WDR7: variants seen among roughly 807,000 people sequenced by gnomAD.
WDR7 encodes the protein WD repeat-containing protein 7.
In WDR7, 46 loss-of-function variants were observed where a neutral mutation model predicts 169.4. The ratio of observed to expected loss-of-function variants is 0.27; its 90% CI spans 0.21 to 0.35. The LOEUF is 0.35. Among genes scored for constraint, WDR7 ranks in the 10% least tolerant of loss-of-function variants. The pLI is 1.00. For synonymous variants in WDR7, 612 were observed against 666.8 expected (o/e 0.92, Z 1.27); for missense variants, 1,534 against 1,859.3 (o/e 0.83, Z 3.22).
At chr18:56,959,562 C>G (rs921378649) in intron 25 of WDR7, among the ~76,000 whole-genome samples, 1 of 152,126 alleles carries the variant, frequency 6.6e-6, no homozygotes, top group African/African-American at 2.4e-5. Flanking sequence ...TCATGGGCAA[C>G]TGCCTAAGTG....
chr18:56,983,489 A>G (rs770508962), intron 26 of WDR7, among the ~76,000 whole-genome samples: 1 of 152,174 alleles, frequency 6.6e-6, no homozygotes, highest in Non-Finnish European at 1.5e-5. Flanking sequence ...TCCAGAGTGG[A>G]CAATTTATAC....
At chr18:56,753,694 G>A (rs1440840200) in intron 14 of WDR7, among the ~76,000 whole-genome samples, 3 of 150,936 alleles carry the variant, frequency 2.0e-5, no homozygotes, top group African/African-American at 7.3e-5. Flanking sequence ...TATATTTGTG[G>A]AATAATAGGG....
intron 13 of WDR7, among the ~76,000 whole-genome samples, chr18:56,719,434 C>T (rs891565961): frequency 7.2e-5 from 11 of 151,856 alleles, no homozygotes; most frequent in Admixed American, 3.3e-4. Flanking sequence ...TGTTGGCGGG[C>T]GCCTGTAGTC....
intron 14 of WDR7, among the ~76,000 whole-genome samples, chr18:56,752,656 T>C (rs1369848574): frequency 6.6e-6 from 1 of 152,234 alleles, no homozygotes; most frequent in Non-Finnish European, 1.5e-5. Context: ...TTTTTCTGCA[T>C]TTGTAACTTT....
chr18:56,656,424 C>T (rs9945599), intron 1 of WDR7, among the ~76,000 whole-genome samples: 2,947 of 151,686 alleles, frequency 0.019, 49 homozygotes, highest in African/African-American at 0.048. Context: ...GGACTACAAG[C>T]GCATGCCACC....
chr18:56,720,689 T>C (rs138055941), intron 13 of WDR7, among the ~76,000 whole-genome samples: 129 of 152,332 alleles, frequency 8.5e-4, no homozygotes, highest in African/African-American at 3.1e-3. Context: ...TAGACAAAGT[T>C]ACTGTTCTAG....
chr18:56,745,770 C>T (rs1314489028), intron 14 of WDR7, among the ~76,000 whole-genome samples: 1 of 152,144 alleles, frequency 6.6e-6, no homozygotes, highest in Non-Finnish European at 1.5e-5. Flanking sequence ...AAAAATAGCA[C>T]TTGTAGCATA....
chr18:56,936,198 A>C (rs2046958419), intron 23 of WDR7: 1 of 322,098 alleles, frequency 3.1e-6, no homozygotes, highest in South Asian at 6.5e-5. Context: ...ATGAAAACTC[A>C]AATACATTAA....
At chr18:56,994,376 T>C (rs2047865816) in intron 26 of WDR7, among the ~76,000 whole-genome samples, 1 of 131,592 alleles carries the variant, frequency 7.6e-6, no homozygotes, top group South Asian at 2.5e-4. Flanking sequence ...GTGTTATGTA[T>C]GTTCTGTTGA....
At position 56,672,644 on chromosome 18, in the gene WDR7, A is replaced by G. The variant is rs1436334777; in HGVS notation, c.129A>G (p.Ile43Met). 7 of 1,612,144 alleles carry G rather than the reference A, an allele frequency of 4.3e-6. No homozygotes were observed. The East Asian group carries it at 1.1e-4, about 26-fold the overall frequency. The change falls in exon 2 of 28, where the codon ATA (isoleucine) becomes ATG (methionine). Residue 43 changes from isoleucine (I) to methionine (M), a missense_variant. By Grantham distance (10) the Ile-to-Met change is conservative. Transcript: ENST00000254442. ...TAACAGGATGTCACGACGGACAAATATGTCTCTGGGATCTTTCAGTAGAAC... is the reference window on the plus strand; with the variant it reads ...TAACAGGATGTCACGACGGACAAATGTGTCTCTGGGATCTTTCAGTAGAAC... ...TIVTGCHDGQICLWDLSVELQ... is the reference protein window; with the variant it reads ...TIVTGCHDGQMCLWDLSVELQ...
In WDR7 at chr18:57,006,191, T is replaced by A. The variant is rs1237942628; in HGVS notation, c.4165-14554T>A. Among the ~76,000 whole-genome samples the A allele has an allele frequency of 2.0e-5, 3 of 152,320 alleles. No individual in the cohort carries two copies. In the East Asian group the frequency reaches 5.8e-4, roughly 29 times the overall value. On this transcript the variant is annotated intron_variant, in intron 26 of 27. Coordinates refer to ENST00000254442, the MANE Select transcript of WDR7 (RefSeq NM_015285.3). The stretch of plus-strand genomic sequence containing the variant: ...AGAATGTTATTTTAAGGCACACGTC[T>A]CTGGGTCACATGCATGATAGTAATT...
At chr18:56,978,831 A>G (rs530781222) in intron 26 of WDR7, among the ~76,000 whole-genome samples, 1 of 152,310 alleles carries the variant, frequency 6.6e-6, no homozygotes, top group Admixed American at 6.5e-5. Context: ...TTTCTATAGC[A>G]TGCCCGCATG....
chr18:56,715,799 A>T (rs1441226311), intron 12 of WDR7, among the ~76,000 whole-genome samples: 1 of 152,200 alleles, frequency 6.6e-6, no homozygotes, highest in East Asian at 1.9e-4. Flanking sequence ...CCCGTAGAAA[A>T]AGATAACTGT....
chr18:56,755,594 A>C (rs148799929), intron 14 of WDR7, among the ~76,000 whole-genome samples: 2 of 152,316 alleles, frequency 1.3e-5, no homozygotes, highest in Non-Finnish European at 2.9e-5. Context: ...AGAACGTAAA[A>C]ATGTGAGGTA....
chr18:57,021,675 T>G (rs1206487112), intron 27 of WDR7, among the ~76,000 whole-genome samples: 2 of 152,226 alleles, frequency 1.3e-5, no homozygotes, highest in Non-Finnish European at 2.9e-5. Context: ...TCCCATCTTC[T>G]TTTTAATTAC....
At chr18:57,024,511 G>A (rs80169684) in intron 27 of WDR7, among the ~76,000 whole-genome samples, 34 of 143,294 alleles carry the variant, frequency 2.4e-4, no homozygotes, top group South Asian at 4.7e-4. Context: ...TCCCTTACAG[G>A]ATTTCACATA....
chr18:56,880,293 C>T lies in WDR7; in HGVS notation c.3526+128C>T. ...AGATTGCTTGCGTGAAGTTAGAAAGCAGTACAATCTGGCACATTTCCCGTT... is the reference window on the plus strand; with the variant it reads ...AGATTGCTTGCGTGAAGTTAGAAAGTAGTACAATCTGGCACATTTCCCGTT... On this transcript the variant is annotated intron_variant, in intron 21 of 27. Coordinates refer to ENST00000254442, the MANE Select transcript of WDR7 (RefSeq NM_015285.3). The T allele has an allele frequency of 3.5e-6, 3 of 868,990 alleles. No homozygotes were observed. The South Asian group carries it at 5.4e-5, about 16-fold the overall frequency. 53.8% of individuals were successfully genotyped at this position (868,990 alleles called of 1,614,324 possible).
rs1461870888 is a variant in WDR7, at chr18:56,693,321, A to G, written c.967-1298A>G. On this transcript the variant is annotated intron_variant, in intron 9 of 27. Transcript: ENST00000254442. ...AATTTTAGTAGAAGTCCACCACACTATTTAGTATTTTCAGATAGTACTTCA... is the reference window on the plus strand; with the variant it reads ...AATTTTAGTAGAAGTCCACCACACTGTTTAGTATTTTCAGATAGTACTTCA... Among the ~76,000 whole-genome samples, 6 of 152,126 alleles carry G rather than the reference A, an allele frequency of 3.9e-5. No homozygotes were observed. The East Asian group carries it at 7.7e-4, about 20-fold the overall frequency.
chr18:57,014,846 AT>A (rs35031273), intron 26 of WDR7, among the ~76,000 whole-genome samples: 1,796 of 146,994 alleles, frequency 0.012, 13 homozygotes, highest in African/African-American at 0.015. Flanking sequence ...AGTCACTGGG[AT>A]TTTTTTTTTT....
Sources: gnomAD v4.1 joint callset for allele counts (sites outside exome capture counted in the v4.1 genomes callset) on GRCh38, gnomAD v4.1.1 for gene constraint, MANE v1.5 for transcripts, NCBI Gene and HGNC (gene_info 2026-07-23, HGNC 2026-07-21) for gene names.